DLGAP2: variants seen among roughly 807,000 people sequenced by gnomAD.
The protein encoded by DLGAP2 is DLG associated protein 2, also known as disks large-associated protein 2.
A neutral mutation model predicts 100.3 loss-of-function variants in DLGAP2; 26 were observed. That is an observed-to-expected ratio of 0.26 (90% confidence interval 0.19 to 0.36). The LOEUF (loss-of-function observed/expected upper bound fraction) is 0.36. Among genes scored for constraint, DLGAP2 ranks in the 10% least tolerant of loss-of-function variants. DLGAP2 has a pLI of 1.00. For missense variants in DLGAP2, 1,858 were observed against 1,453.2 expected (o/e 1.28, Z -4.53); for synonymous variants, 886 against 630.1 (o/e 1.41, Z -6.08).
intron 5 of DLGAP2, among the ~76,000 whole-genome samples, chr8:1,552,137 G>A (rs1173811813): frequency 4.6e-5 from 7 of 152,110 alleles, no homozygotes; most frequent in African/African-American, 1.7e-4. Context: ...CTGCCCTGAC[G>A]CCACTGGCCT....
intron 2 of DLGAP2, among the ~76,000 whole-genome samples, chr8:1,245,609 G>A (rs1179762905): frequency 6.6e-6 from 1 of 152,220 alleles, no homozygotes; most frequent in African/African-American, 2.4e-5. Flanking sequence ...AACTGCCGAA[G>A]GGCATGGATT....
intron 2 of DLGAP2, among the ~76,000 whole-genome samples, chr8:1,068,685 G>T (rs761861849): frequency 2.0e-5 from 3 of 151,966 alleles, no homozygotes; most frequent in Non-Finnish European, 4.4e-5. Context: ...CAGGGGCTCA[G>T]CGCATGTGGG....
chr8:1,075,060 G>T (rs115905068), intron 2 of DLGAP2, among the ~76,000 whole-genome samples: 4 of 152,076 alleles, frequency 2.6e-5, no homozygotes, highest in Admixed American at 6.5e-5. Context: ...GCAGCGGGGG[G>T]TGGGGACCAC....
chr8:988,934 C>T (rs1800568695), intron 2 of DLGAP2, among the ~76,000 whole-genome samples: 1 of 152,226 alleles, frequency 6.6e-6, no homozygotes, highest in Non-Finnish European at 1.5e-5. Flanking sequence ...TGCCTCTCCA[C>T]ATGCTGTGGA....
At chr8:879,189 C>T (rs1160162298) in intron 1 of DLGAP2, among the ~76,000 whole-genome samples, 2 of 152,166 alleles carry the variant, frequency 1.3e-5, no homozygotes, top group Non-Finnish European at 2.9e-5. Flanking sequence ...CCAGTTTATT[C>T]ACTGTGATAC....
intron 3 of DLGAP2, among the ~76,000 whole-genome samples, chr8:1,456,099 T>C (rs1798303286): frequency 6.6e-6 from 1 of 152,214 alleles, no homozygotes; most frequent in Non-Finnish European, 1.5e-5. Context: ...TTTCGATGGA[T>C]CAAAGCTTGA....
intron 2 of DLGAP2, among the ~76,000 whole-genome samples, chr8:1,147,666 A>C (rs1443889336): frequency 1.3e-5 from 2 of 151,826 alleles, no homozygotes; most frequent in Non-Finnish European, 2.9e-5. Flanking sequence ...CTAGTCACTG[A>C]GACTAAAGGC....
chr8:1,231,859 G>C lies in DLGAP2; in HGVS notation c.74-26992G>C, dbSNP rs117825999. 6.7e-3 allele frequency among the ~76,000 whole-genome samples: 1,021 copies of C among 152,260 alleles called. 5 individuals are homozygous for C. The highest frequency in any genetic ancestry group is 0.018 in the South Asian group (87 of 4,818). On this transcript the variant is annotated intron_variant, in intron 2 of 14. Transcript: ENST00000637795. ...GGAAAACTACTGGGTACTATACTCTGTAGCTGGGTGACAAGTTCAGTCATA... is the reference window on the plus strand; with the variant it reads ...GGAAAACTACTGGGTACTATACTCTCTAGCTGGGTGACAAGTTCAGTCATA...
At chr8:961,774 T>A (rs561139581) in intron 2 of DLGAP2, among the ~76,000 whole-genome samples, 36 of 152,362 alleles carry the variant, frequency 2.4e-4, no homozygotes, top group African/African-American at 7.9e-4. Flanking sequence ...GTTAAAGTTA[T>A]ACGTTTGTGT....
intron 3 of DLGAP2, among the ~76,000 whole-genome samples, chr8:1,283,325 A>T (rs931591496): frequency 1.3e-5 from 2 of 152,330 alleles, no homozygotes; most frequent in African/African-American, 4.8e-5. Flanking sequence ...ACGTGGTGTG[A>T]TCTGAACCCA....
chr8:936,039 G>A (rs1264857138), intron 2 of DLGAP2, among the ~76,000 whole-genome samples: 4 of 152,322 alleles, frequency 2.6e-5, no homozygotes, highest in Admixed American at 6.5e-5. Context: ...AGTGGGACCC[G>A]TCTCCAACCT....
chr8:1,629,365 A>G (rs921337648), intron 7 of DLGAP2, among the ~76,000 whole-genome samples: 69 of 152,346 alleles, frequency 4.5e-4, no homozygotes, highest in Admixed American at 3.7e-3. Flanking sequence ...GACCGTCCCT[A>G]GCCCTGCGCT....
At chr8:1,005,405 G>GTTT (rs34780471) in intron 2 of DLGAP2, among the ~76,000 whole-genome samples, 9 of 99,192 alleles carry the variant, frequency 9.1e-5, no homozygotes, top group South Asian at 3.4e-4. Context: ...AACTCCACTT[G>GTTT]TTTTTTTTTT....
intron 1 of DLGAP2, among the ~76,000 whole-genome samples, chr8:759,596 C>G (rs568810926): frequency 4.3e-4 from 66 of 152,056 alleles, no homozygotes; most frequent in African/African-American, 1.5e-3. Context: ...GGGGCTCCCC[C>G]CTGGGCTGCA....
intron 2 of DLGAP2, among the ~76,000 whole-genome samples, chr8:1,094,768 C>G (rs1266060629): frequency 6.6e-6 from 1 of 152,208 alleles, no homozygotes; most frequent in African/African-American, 2.4e-5. Context: ...AGGTTCTTCT[C>G]TTAGCGTGGG....
At chr8:1,373,096 G>A (rs1802286093) in intron 3 of DLGAP2, among the ~76,000 whole-genome samples, 1 of 152,194 alleles carries the variant, frequency 6.6e-6, no homozygotes, top group Non-Finnish European at 1.5e-5. Context: ...TGATGACCCC[G>A]AGACCTCCGT....
chr8:1,491,077 C>CAAAAAAAAAAAAAAA (rs386411871), intron 3 of DLGAP2, among the ~76,000 whole-genome samples: 3 of 64,526 alleles, frequency 4.6e-5, no homozygotes, highest in African/African-American at 1.3e-4. Flanking sequence ...AACTGGAAAC[C>CAAAAAAAAAAAAAAA]AAAAAAAAAA....
intron 3 of DLGAP2, among the ~76,000 whole-genome samples, chr8:1,426,280 A>G (rs1009834100): frequency 1.3e-5 from 2 of 152,232 alleles, no homozygotes; most frequent in African/African-American, 4.8e-5. Context: ...CGAGGAGACT[A>G]AGGAATTTGG....
intron 4 of DLGAP2, among the ~76,000 whole-genome samples, chr8:1,503,388 T>A (rs1799791599): frequency 6.6e-6 from 1 of 151,806 alleles, no homozygotes; most frequent in African/African-American, 2.4e-5. Flanking sequence ...ATTTGTTGTT[T>A]TGTGACTGCT....
Sources: gnomAD v4.1 joint callset for allele counts (sites outside exome capture counted in the v4.1 genomes callset) on GRCh38, gnomAD v4.1.1 for gene constraint, MANE v1.5 for transcripts, NCBI Gene and HGNC (gene_info 2026-07-23, HGNC 2026-07-21) for gene names.